KYAT3: variants seen among roughly 807,000 people sequenced by gnomAD.
KYAT3 encodes the protein kynurenine--oxoglutarate transaminase 3.
In KYAT3, 50 loss-of-function variants were observed where a neutral mutation model predicts 59.0. The ratio of observed to expected loss-of-function variants is 0.85; its 90% CI spans 0.68 to 1.07. KYAT3 has a LOEUF of 1.07. KYAT3 is among the 50% of genes least tolerant of loss of function. The pLI, the probability that KYAT3 is intolerant of heterozygous loss-of-function variation, is 0.00. For missense variants in KYAT3, 497 were observed against 533.3 expected, an observed-to-expected ratio of 0.93 and a Z score of 0.67; for synonymous variants, 148 against 177.0, an observed-to-expected ratio of 0.84 and a Z score of 1.30.
chr1:88,941,514 T>C lies in KYAT3; in HGVS notation c.1302+1491A>G, dbSNP rs375611354. On this transcript the variant is annotated intron_variant, in intron 13 of 13. Transcript: ENST00000260508. Reference sequence around the variant, plus strand: ...TTTTTAAAGGCTATTTTCCTAGATATAGCATTCTAGGCTGTTATTTTTTTT... The same window carrying C: ...TTTTTAAAGGCTATTTTCCTAGATACAGCATTCTAGGCTGTTATTTTTTTT... Among the ~76,000 whole-genome samples, 56 of 148,596 alleles carry C rather than the reference T, an allele frequency of 3.8e-4. 1 individual carries two copies. Among genetic ancestry groups the C allele is most frequent in the Non-Finnish European group, 3.1e-4 (21 of 67,202 alleles).
chr1:88,926,424 C>A, the KYAT3 span, among the ~76,000 whole-genome samples: 6,436 of 152,220 alleles, frequency 0.042, 423 homozygotes, highest in African/African-American at 0.15. Context: ...AGCAATCCAC[C>A]CCCCTCACCC....
At chr1:88,968,859 A>C (rs1676445147) in intron 3 of KYAT3, 45 bp from the exon 4 acceptor site, 10 of 1,439,164 alleles carry the variant, frequency 6.9e-6, no homozygotes, top group African/African-American at 1.5e-5. Context: ...CTACAATTAT[A>C]AAGTTCGCTT....
At chr1:88,943,581 TGTACG>T (rs1207442691) in intron 11 of KYAT3, among the ~76,000 whole-genome samples, 158 bp from the exon 12 acceptor site, 1 of 152,224 alleles carries the variant, frequency 6.6e-6, no homozygotes, top group Non-Finnish European at 1.5e-5. Flanking sequence ...AGTCTCACAC[TGTACG>T]GTGGGGTGGG....
intron 9 of KYAT3, among the ~76,000 whole-genome samples, chr1:88,954,742 T>C (rs1357594494): frequency 6.6e-6 from 1 of 152,224 alleles, no homozygotes; most frequent in Non-Finnish European, 1.5e-5. Flanking sequence ...AAACTGAATA[T>C]GTATGCAATG....
At chr1:88,922,192 C>T in the KYAT3 span, among the ~76,000 whole-genome samples, 2 of 152,046 alleles carry the variant, frequency 1.3e-5, no homozygotes, top group Non-Finnish European at 2.9e-5. Context: ...TGCACTGTAG[C>T]CTGAGTGACA....
chr1:88,960,356 A>G (rs1411224368), intron 8 of KYAT3, among the ~76,000 whole-genome samples: 1 of 150,400 alleles, frequency 6.6e-6, no homozygotes, highest in Non-Finnish European at 1.5e-5. Flanking sequence ...ACAAGATTCT[A>G]TGGAAAATGG....
chr1:88,930,169 A>G, the KYAT3 span, among the ~76,000 whole-genome samples: 1 of 152,218 alleles, frequency 6.6e-6, no homozygotes, highest in Admixed American at 6.5e-5. Context: ...CTCATTGTTT[A>G]CTGGTAGTGG....
At position 88,975,250 on chromosome 1, in the gene KYAT3, C is replaced by A. The variant is rs1570820679; in HGVS notation, c.100-5783G>T. Among the ~76,000 whole-genome samples, 3 of 152,212 alleles carry A rather than the reference C, an allele frequency of 2.0e-5. No homozygotes were observed. In the East Asian group the frequency reaches 5.8e-4, roughly 29 times the overall value. On this transcript the variant is annotated intron_variant, in intron 2 of 13. Coordinates refer to ENST00000260508, the MANE Select transcript of KYAT3 (RefSeq NM_001008661.3). ...GGCTTCATTCTTGAAGCGAGCGAGACCAAGAACCCACAGGAAGGAATAAAT... is the reference window on the plus strand; with the variant it reads ...GGCTTCATTCTTGAAGCGAGCGAGAACAAGAACCCACAGGAAGGAATAAAT...
intron 1 of KYAT3, 88 bp downstream of exon 1, chr1:88,992,497 A>G (rs7528290): frequency 0.1 from 15,885 of 152,484 alleles, 2,753 homozygotes; most frequent in African/African-American, 0.36. Context: ...GAGGAGCCCG[A>G]CCTCCGTTCC....
chr1:88,943,468 T>C (rs759557646), intron 11 of KYAT3, 45 bp from the exon 12 acceptor site: 7 of 923,980 alleles, frequency 7.6e-6, no homozygotes, highest in Non-Finnish European at 1.2e-5. Flanking sequence ...TTTCATCTGA[T>C]GCAACATGTA....
At chr1:88,980,407 T>C (rs1478161134) in intron 2 of KYAT3, 1 of 151,756 alleles carries the variant, frequency 6.6e-6, no homozygotes, top group African/African-American at 2.5e-5. Flanking sequence ...TTAACAAAAT[T>C]ATCTCATAGA....
the KYAT3 span, among the ~76,000 whole-genome samples, chr1:88,929,263 G>C: frequency 2.0e-5 from 3 of 152,042 alleles, no homozygotes; most frequent in African/African-American, 7.3e-5. Context: ...GAAACCCAAC[G>C]GACAGTGGAG....
intron 2 of KYAT3, among the ~76,000 whole-genome samples, chr1:88,971,353 A>C (rs546892576): frequency 6.6e-6 from 1 of 152,076 alleles, no homozygotes; most frequent in South Asian, 2.1e-4. Context: ...TCCCAATTCT[A>C]TGCCACACCC....
the KYAT3 span, among the ~76,000 whole-genome samples, chr1:88,927,879 C>A: frequency 6.6e-6 from 1 of 152,138 alleles, no homozygotes; most frequent in African/African-American, 2.4e-5. Flanking sequence ...GAGAGAAGTG[C>A]CGCCATAACT....
chr1:88,942,631 C>T (rs534990636), intron 13 of KYAT3, among the ~76,000 whole-genome samples: 13 of 151,970 alleles, frequency 8.6e-5, no homozygotes, highest in South Asian at 4.2e-4. Flanking sequence ...GGTGCGATCT[C>T]GGCTCACTGC....
At position 88,961,222 on chromosome 1, in the gene KYAT3, G is replaced by A; in HGVS notation, c.732C>T (p.Ile244=). 6.2e-7 allele frequency: 1 copy of A among 1,613,364 alleles called. No individual in the cohort carries two copies. The highest frequency in any genetic ancestry group is 1.3e-5 in the African/African-American group (1 of 75,010). ...DLCIKYDTLC[I]SDEVYEWLVY... is the part of the protein sequence containing the mutation. ...CAAGCCATTCATAAACCTCATCGCT[G>A]ATGCAGAGTGTGTCATATTTGATGC... is the stretch of plus-strand genomic sequence containing the variant. Residue 244 remains isoleucine (I), a synonymous_variant, in exon 8 of 14, where the codon ATC becomes ATT. Coordinates refer to ENST00000260508, the MANE Select transcript of KYAT3 (RefSeq NM_001008661.3).
Position 88,953,149 on chromosome 1 carries a change from C to T in KYAT3, c.868G>A (p.Gly290Ser). 1 of 1,606,614 alleles carries T rather than the reference C, an allele frequency of 6.2e-7. No individual in the cohort carries two copies. The highest frequency in any genetic ancestry group is 8.5e-7 in the Non-Finnish European group (1 of 1,173,536). Residue 290 changes from glycine (G) to serine (S), a missense_variant, in exon 10 of 14, where the codon GGC becomes AGC. Coordinates refer to ENST00000260508, the MANE Select transcript of KYAT3 (RefSeq NM_001008661.3). Reference protein sequence around the residue: ...KTFSVTGWKLGWSIGPNHLIK... With the variant: ...KTFSVTGWKLSWSIGPNHLIK... ...AAATGATTTGGACCAATGGACCAGC[C>T]AAGCTGGGAAAGGAAAAGATAAAAG...
At chr1:88,927,337 T>C in the KYAT3 span, among the ~76,000 whole-genome samples, 1 of 152,150 alleles carries the variant, frequency 6.6e-6, no homozygotes, top group Non-Finnish European at 1.5e-5. Flanking sequence ...CACAATATCC[T>C]CTTCAAGGGG....
chr1:88,950,897 C>A (rs1051133500), intron 10 of KYAT3, among the ~76,000 whole-genome samples: 2 of 152,242 alleles, frequency 1.3e-5, no homozygotes, highest in East Asian at 3.9e-4. Context: ...GCCCCAGCTC[C>A]ATTGGACTCC....
Sources: allele counts gnomAD v4.1 joint callset (sites outside exome capture counted in the v4.1 genomes callset), GRCh38; gene constraint gnomAD v4.1.1; transcripts MANE v1.5; gene names NCBI Gene and HGNC (gene_info 2026-07-23, HGNC 2026-07-21).